Variants in TRIM52 observed in about 807,000 individuals in gnomAD.
TRIM52 encodes E3 ubiquitin-protein ligase TRIM52.
A neutral mutation model predicts 27.0 loss-of-function variants in TRIM52; 24 were observed. The observed-to-expected ratio is 0.89, with a 90% CI of 0.64 to 1.25. TRIM52 has a LOEUF of 1.25. TRIM52 is among the 50% of genes most tolerant of loss of function. The pLI is 0.00. For synonymous variants in TRIM52, 125 were observed against 126.5 expected (o/e 0.99, Z 0.08); for missense variants, 351 against 354.7 (o/e 0.99, Z 0.08).
At chr5:181,252,216 A>T (rs1482426361), downstream of TRIM52, among the ~76,000 whole-genome samples, 2 of 152,154 alleles carry the variant, frequency 1.3e-5, no homozygotes, top group African/African-American at 4.8e-5. Context: ...GGAAAAAGAA[A>T]ATTGTTTCAT....
At chr5:181,258,636 G>GT (rs1439844127) in intron 1 of TRIM52, 1 of 151,850 alleles carries the variant, frequency 6.6e-6, no homozygotes, top group Non-Finnish European at 1.5e-5. Flanking sequence ...GGGCAGGGGG[G>GT]TGATAATAAT....
chr5:181,259,638 A>G, intron 1 of TRIM52: 2 of 343,226 alleles, frequency 5.8e-6, no homozygotes, highest in Non-Finnish European at 1.1e-5. Context: ...TCCTATCTGT[A>G]CCTGTCCCAG....
At chr5:181,254,222 G>A (rs554270250), downstream of TRIM52, among the ~76,000 whole-genome samples, 20 of 137,132 alleles carry the variant, frequency 1.5e-4, 2 homozygotes, top group Admixed American at 1.4e-4. Context: ...TCCAGGAGGC[G>A]GAGCTGGCAG....
In TRIM52 at chr5:181,256,403, C is replaced by G. The variant is rs927612606; in HGVS notation, c.*406G>C. 6.7e-6 allele frequency: 1 copy of G among 149,752 alleles called. No individual in the cohort carries two copies. The highest frequency in any genetic ancestry group is 1.5e-5 in the Non-Finnish European group (1 of 67,634). The allele number at this position is 149,752 out of a possible 1,614,324, so 9.3% of individuals were successfully genotyped here. Reference sequence around the variant, plus strand: ...TTTTTTTTTGAGATGGAGTCTTGCTCTATTGCCCAGGCTGGAGTGCAGTGG... The same window carrying G: ...TTTTTTTTTGAGATGGAGTCTTGCTGTATTGCCCAGGCTGGAGTGCAGTGG... On this transcript the variant is annotated 3_prime_UTR_variant, in exon 2 of 2. Transcript: ENST00000688015.
At chr5:181,258,534 C>T (rs1336192078) in intron 1 of TRIM52, 1 of 152,066 alleles carries the variant, frequency 6.6e-6, no homozygotes, top group African/African-American at 2.4e-5. Flanking sequence ...AGGATTTGTC[C>T]TTCAAGTCAG....
intron 1 of TRIM52, chr5:181,257,231 G>A: frequency 7.8e-7 from 1 of 1,282,062 alleles, no homozygotes; most frequent in Non-Finnish European, 9.9e-7. Flanking sequence ...TGGACAAACT[G>A]GAAGATGTAA....
chr5:181,254,121 T>G (rs568850455), downstream of TRIM52, among the ~76,000 whole-genome samples: 63 of 140,430 alleles, frequency 4.5e-4, 14 homozygotes, highest in African/African-American at 1.9e-3. Flanking sequence ...AAACCCTGTC[T>G]CTACTAAAAA....
In TRIM52 at chr5:181,260,649, G is replaced by A. The variant is rs746815704; in HGVS notation, c.165C>T (p.Asp55=). Residue 55 remains aspartate (D), a synonymous_variant, in exon 1 of 2, where the codon GAC becomes GAT. Coordinates refer to ENST00000688015, the MANE Select transcript of TRIM52 (RefSeq NM_001346048.2). This position sits in a 1 kb window ranked among gnomAD's most constrained non-coding sequence, Gnocchi z 4.4. ...CCCATTCATCTTCCTCCTCGTTCTG[G>A]TCCTCCTCGTCCTCCTTACTCCACA... is the stretch of plus-strand genomic sequence containing the variant. ...TQLWSKEDEE[D]QNEEEDEWEE... 1 of 1,613,600 alleles carries A rather than the reference G, an allele frequency of 6.2e-7. No individual in the cohort carries two copies. The highest frequency in any genetic ancestry group is 2.2e-5 in the East Asian group (1 of 44,848).
rs537934458 is a variant in TRIM52 at position 181,260,304 on chromosome 5, G to T, written c.510C>A (p.His170Gln). The T allele has an allele frequency of 4.3e-6, 7 of 1,614,184 alleles. No individual in the cohort carries two copies. Among genetic ancestry groups the T allele is most frequent in the Non-Finnish European group, 5.9e-6 (7 of 1,180,036 alleles). ...DEDEELYPDI[H>Q]PPPSLPLPGQ... ...CTGGAAGGGGCAAGGAAGGAGGCGG[G>T]TGGATGTCAGGATACAGCTCTTCAT... The change falls in exon 1 of 2, where the codon CAC becomes CAA. Residue 170 changes from histidine to glutamine, a missense_variant. By Grantham distance (24) the His-to-Gln change is conservative. Transcript: ENST00000688015. This position sits in a 1 kb window ranked among gnomAD's most constrained non-coding sequence, Gnocchi z 4.4.
chr5:181,258,752 T>A lies in TRIM52; in HGVS notation c.813+1249A>T, dbSNP rs575222700. Reference sequence around the variant, plus strand: ...TGAAGTATATACATGTATATATATATAACTTAAAAGTTTCATAAAGCAGTA... The same window carrying A: ...TGAAGTATATACATGTATATATATAAAACTTAAAAGTTTCATAAAGCAGTA... On this transcript the variant is annotated intron_variant, in intron 1 of 1. Transcript: ENST00000688015. 5 of 152,302 alleles carry A rather than the reference T, an allele frequency of 3.3e-5. No individual in the cohort carries two copies. The East Asian group carries it at 9.6e-4, about 29-fold the overall frequency. The allele number at this position is 152,302 out of a possible 1,614,324, so 9.4% of individuals were successfully genotyped here.
Position 181,260,597 on chromosome 5 carries a change from C to T in TRIM52, c.217G>A (p.Gly73Arg), listed in dbSNP as rs1582320921. ...WEEEEDEEAV[G>R]AMDGWDGSIR... ...GAGCCGTCCCATCCATCCATGGCCC[C>T]CACCGCTTCCTCGTCCTCCTCCTCC... The change falls in exon 1 of 2, where the codon GGG becomes AGG. Residue 73 changes from glycine (G) to arginine (R), a missense_variant. Gly to Arg is a moderately radical substitution (Grantham distance 125). Coordinates refer to ENST00000688015, the MANE Select transcript of TRIM52 (RefSeq NM_001346048.2). This position sits in a 1 kb window ranked among gnomAD's most constrained non-coding sequence, Gnocchi z 4.4. The T allele has an allele frequency of 6.2e-7, 1 of 1,613,990 alleles. No homozygotes were observed. The highest frequency in any genetic ancestry group is 2.2e-5 in the East Asian group (1 of 44,872).
At chr5:181,251,460 C>G (rs778021293), downstream of TRIM52, among the ~76,000 whole-genome samples, 1 of 152,104 alleles carries the variant, frequency 6.6e-6, no homozygotes, top group Non-Finnish European at 1.5e-5. Context: ...ATAACAACAA[C>G]AAACAAACAA....
Position 181,255,351 on chromosome 5 carries a change from AATAGTGG to A in TRIM52, c.*1451_*1457del, listed in dbSNP as rs906387287. 6.6e-6 allele frequency: 1 copy of A among 152,220 alleles called. No homozygotes were observed. Among genetic ancestry groups the A allele is most frequent in the African/African-American group, 2.4e-5 (1 of 41,454 alleles). The allele number at this position is 152,220 out of a possible 1,614,324, so 9.4% of individuals were successfully genotyped here. A position where few individuals can be genotyped will look rare whatever the true frequency, so the allele number is the denominator to read the frequency against. On this transcript the variant is annotated 3_prime_UTR_variant, in exon 2 of 2. Coordinates refer to ENST00000688015, the MANE Select transcript of TRIM52 (RefSeq NM_001346048.2). ...TTTTTAAGGTGTAAGGAGCAAATGG[AATAGTGG>A]ATAAAGCCTTTTCATCTGTTTAGTC...
At chr5:181,257,175 C>T (rs1358879967) in intron 1 of TRIM52, 3 of 1,186,086 alleles carry the variant, frequency 2.5e-6, no homozygotes, top group Non-Finnish European at 3.1e-6. Context: ...TTTCATAATT[C>T]TTTGATTCTA....
chr5:181,256,821 A>G lies in TRIM52; in HGVS notation c.852T>C (p.Ser284=). Residue 284 remains serine (S), a synonymous_variant, in exon 2 of 2, where the codon AGT becomes AGC. Transcript: ENST00000688015. The stretch of plus-strand genomic sequence containing the variant: ...GTTTGGCATGGTGTCACTGCCCAAC[A>G]CTTTCAGATAACTCAACTGAAGAAG... ...GSTSSVELSE[S]VGQ is the part of the protein sequence containing the mutation. The G allele has an allele frequency of 1.0e-6, 1 of 985,470 alleles. No individual in the cohort carries two copies. Among genetic ancestry groups the G allele is most frequent in the Non-Finnish European group, 1.2e-6 (1 of 829,960 alleles). 61.0% of individuals were successfully genotyped at this position (985,470 alleles called of 1,614,324 possible). A position where few individuals can be genotyped will look rare whatever the true frequency, so the allele number is the denominator to read the frequency against.
chr5:181,260,713 C>G lies in TRIM52; in HGVS notation c.101G>C (p.Ser34Thr). ...CCCTCGGCAGAAGTTGTGCCCACAG[C>G]TGATGGACACGGGGTCCTTGAAGTA... ...LDYFKDPVSI[S>T]CGHNFCRGCV... is the part of the protein sequence containing the mutation. The change falls in exon 1 of 2, where the codon AGC (serine) becomes ACC (threonine). Residue 34 changes from serine (S) to threonine (T), a missense_variant. Coordinates refer to ENST00000688015, the MANE Select transcript of TRIM52 (RefSeq NM_001346048.2). This position sits in a 1 kb window ranked among gnomAD's most constrained non-coding sequence, Gnocchi z 4.4. 6.2e-7 allele frequency: 1 copy of G among 1,614,080 alleles called. No individual in the cohort carries two copies. The highest frequency in any genetic ancestry group is 1.1e-5 in the South Asian group (1 of 91,072).
chr5:181,260,561 C>A lies in TRIM52; in HGVS notation c.253G>T (p.Val85Leu). Residue 85 changes from valine to leucine, a missense_variant, in exon 1 of 2, where the codon GTG (valine) becomes TTG (leucine). Coordinates refer to ENST00000688015, the MANE Select transcript of TRIM52 (RefSeq NM_001346048.2). The surrounding 1 kb of genome is among the most constrained non-coding windows in gnomAD (Gnocchi z 4.4). ...MDGWDGSIRE[V>L]LYRGNADEEL... ...TCGTCAGCATTCCCCCGATACAACACCTCTCGAATGGAGCCGTCCCATCCA... is the reference window on the plus strand; with the variant it reads ...TCGTCAGCATTCCCCCGATACAACAACTCTCGAATGGAGCCGTCCCATCCA... 1 of 1,614,024 alleles carries A rather than the reference C, an allele frequency of 6.2e-7. No homozygotes were observed. Among genetic ancestry groups the A allele is most frequent in the Non-Finnish European group, 8.5e-7 (1 of 1,180,010 alleles).
intron 1 of TRIM52, chr5:181,257,441 G>A (rs1265740259): frequency 2.5e-6 from 4 of 1,612,680 alleles, no homozygotes; most frequent in Non-Finnish European, 3.4e-6. Flanking sequence ...TGCTGTGAAT[G>A]CTTTCTTGCT....
Position 181,256,783 on chromosome 5 carries a change from T to G in TRIM52, c.*26A>C. 1 of 983,462 alleles carries G rather than the reference T, an allele frequency of 1.0e-6. No individual in the cohort carries two copies. Among genetic ancestry groups the G allele is most frequent in the Non-Finnish European group, 1.2e-6 (1 of 828,150 alleles). 60.9% of individuals were successfully genotyped at this position (983,462 alleles called of 1,614,324 possible). A position where few individuals can be genotyped will look rare whatever the true frequency, so the allele number is the denominator to read the frequency against. ...GAACACTCCACTGTTTTTAATGGCA[T>G]GAATTTAACAGTGTTTGGCATGGTG... On this transcript the variant is annotated 3_prime_UTR_variant, in exon 2 of 2. Transcript: ENST00000688015.
Sources: allele counts gnomAD v4.1 joint callset (sites outside exome capture counted in the v4.1 genomes callset), GRCh38; gene constraint gnomAD v4.1.1; non-coding constraint Gnocchi (gnomAD v3.1); transcripts MANE v1.5; gene names NCBI Gene and HGNC (gene_info 2026-07-23, HGNC 2026-07-21).